ERO1B: variants seen among roughly 807,000 people sequenced by gnomAD.
ERO1B encodes the protein ERO1-like protein beta.
A neutral mutation model predicts 75.3 loss-of-function variants in ERO1B; 49 were observed. The ratio of observed to expected loss-of-function variants is 0.65; its 90% CI spans 0.52 to 0.83. The LOEUF is 0.83. ERO1B is among the 40% of genes least tolerant of loss of function. ERO1B has a pLI of 0.00. For synonymous variants in ERO1B, 191 were observed against 192.9 expected, an observed-to-expected ratio of 0.99 and a Z score of 0.08; for missense variants, 512 against 560.1, an observed-to-expected ratio of 0.91 and a Z score of 0.87.
chr1:236,271,598 T>C (rs1451270361), intron 1 of ERO1B, among the ~76,000 whole-genome samples: 3 of 151,968 alleles, frequency 2.0e-5, no homozygotes, highest in Non-Finnish European at 2.9e-5. Context: ...AGCCCCTAAA[T>C]AGGAAAAAAA....
At chr1:236,274,744 GA>G (rs35953226) in intron 1 of ERO1B, among the ~76,000 whole-genome samples, 10 of 136,324 alleles carry the variant, frequency 7.3e-5, no homozygotes, top group African/African-American at 1.5e-4. Flanking sequence ...AAAATTAGAA[GA>G]AAAAAAAAAG....
At chr1:236,245,578 ATAT>A (rs1347965325) in intron 5 of ERO1B, among the ~76,000 whole-genome samples, 2 of 2,968 alleles carry the variant, frequency 6.7e-4, no homozygotes, top group African/African-American at 1.2e-3. Flanking sequence ...ATATATATAT[ATAT>A]TTTTTTTTTT....
rs1664002033 is a variant in ERO1B at position 236,216,954 on chromosome 1, C to T, written c.*1562G>A. On this transcript the variant is annotated 3_prime_UTR_variant, in exon 16 of 16. Coordinates refer to ENST00000354619, the MANE Select transcript of ERO1B (RefSeq NM_019891.4). ...TAAACAACTTAACAAAAAATACTACCACCATCAACAACAAAACCCCAAGTT... is the reference window on the plus strand; with the variant it reads ...TAAACAACTTAACAAAAAATACTACTACCATCAACAACAAAACCCCAAGTT... 6.6e-6 allele frequency: 1 copy of T among 151,716 alleles called. No individual in the cohort carries two copies. The highest frequency in any genetic ancestry group is 6.6e-5 in the Admixed American group (1 of 15,224). The allele number at this position is 151,716 out of a possible 1,614,324, so 9.4% of individuals were successfully genotyped here.
At chr1:236,243,386 T>C (rs1390201062) in intron 6 of ERO1B, 36 bp downstream of exon 6, 1 of 1,352,266 alleles carries the variant, frequency 7.4e-7, no homozygotes, top group Admixed American at 2.3e-5. Context: ...AGGGTTAAAG[T>C]TAAAATAATT....
chr1:236,258,438 T>C (rs954509734), intron 2 of ERO1B, among the ~76,000 whole-genome samples: 1 of 152,152 alleles, frequency 6.6e-6, no homozygotes, highest in Non-Finnish European at 1.5e-5. Context: ...AAAAATACTA[T>C]ATCCAGTGAT....
rs1663957575 is a variant in ERO1B at position 236,215,854 on chromosome 1, A to G, written c.*2662T>C. 1 of 152,224 alleles carries G rather than the reference A, an allele frequency of 6.6e-6. No homozygotes were observed. Among genetic ancestry groups the G allele is most frequent in the South Asian group, 2.1e-4 (1 of 4,832 alleles). 9.4% of individuals were successfully genotyped at this position (152,224 alleles called of 1,614,324 possible). A position where few individuals can be genotyped will look rare whatever the true frequency, so the allele number is the denominator to read the frequency against. ...AGGCAATGCTGATGAAGATCAAAATAGCTGTCCTTTCTTATATACAGTGGC... is the reference window on the plus strand; with the variant it reads ...AGGCAATGCTGATGAAGATCAAAATGGCTGTCCTTTCTTATATACAGTGGC... On this transcript the variant is annotated 3_prime_UTR_variant, in exon 16 of 16. Coordinates refer to ENST00000354619, the MANE Select transcript of ERO1B (RefSeq NM_019891.4).
chr1:236,281,460 C>T, intron 1 of ERO1B: 1 of 387,624 alleles, frequency 2.6e-6, no homozygotes, highest in Non-Finnish European at 4.6e-6. Context: ...CTTTTGACTG[C>T]CATTACCCGG....
rs760025536 is a variant in ERO1B, at chr1:236,243,463, G to C, written c.464C>G (p.Ala155Gly). The change falls in exon 6 of 16, where the codon GCA (alanine) becomes GGA (glycine). Residue 155 changes from alanine to glycine, a missense_variant. Transcript: ENST00000354619. ...NQSKEAFIDW[A>G]RYDDSRDHFC... ...GTGATCCCGTGAATCATCATATCTT[G>C]CCCAGTCAATGAAAGCTTCTTTGCT... The C allele has an allele frequency of 6.2e-6, 10 of 1,604,530 alleles. No homozygotes were observed. The highest frequency in any genetic ancestry group is 8.5e-6 in the Non-Finnish European group (10 of 1,175,100).
chr1:236,250,979 G>C (rs1665012163), intron 4 of ERO1B, among the ~76,000 whole-genome samples: 1 of 152,000 alleles, frequency 6.6e-6, no homozygotes, highest in Admixed American at 6.6e-5. Context: ...AAAAATGCTA[G>C]TGCATTACTG....
At position 236,216,434 on chromosome 1, in the gene ERO1B, C is replaced by T. The variant is rs1011160089; in HGVS notation, c.*2082G>A. ...ACACATACACAAAAATGTAGGCTGC[C>T]CCTACAATCTAATTTATGATAAAAT... is the stretch of plus-strand genomic sequence containing the variant. On this transcript the variant is annotated 3_prime_UTR_variant, in exon 16 of 16. Transcript: ENST00000354619. 2 of 151,996 alleles carry T rather than the reference C, an allele frequency of 1.3e-5. No homozygotes were observed. Among genetic ancestry groups the T allele is most frequent in the Non-Finnish European group, 2.9e-5 (2 of 67,960 alleles). The allele number at this position is 151,996 out of a possible 1,614,324, so 9.4% of individuals were successfully genotyped here.
chr1:236,236,486 G>T (rs996119196), intron 6 of ERO1B, 88 bp from the exon 7 acceptor site: 2 of 1,390,438 alleles, frequency 1.4e-6, no homozygotes, highest in Non-Finnish European at 1.9e-6. Context: ...CTACTCAAAG[G>T]TAAGAAAAAT....
chr1:236,264,843 C>T (rs569020093), intron 2 of ERO1B, among the ~76,000 whole-genome samples: 2 of 151,258 alleles, frequency 1.3e-5, no homozygotes, highest in East Asian at 3.9e-4. Flanking sequence ...GAGACTGTCT[C>T]CAAAAAAAAA....
chr1:236,249,419 C>G (rs1664962653), intron 5 of ERO1B, among the ~76,000 whole-genome samples: 1 of 152,230 alleles, frequency 6.6e-6, no homozygotes, highest in Non-Finnish European at 1.5e-5. Flanking sequence ...TTATACTACA[C>G]AATTTGAGGC....
chr1:236,249,210 G>A (rs912119424), intron 5 of ERO1B, among the ~76,000 whole-genome samples: 1 of 152,036 alleles, frequency 6.6e-6, no homozygotes, highest in Non-Finnish European at 1.5e-5. Flanking sequence ...ATTTTTAGTA[G>A]AGATGGGGTT....
Position 236,216,743 on chromosome 1 carries a change from A to G in ERO1B, c.*1773T>C, listed in dbSNP as rs896657021. ...AAGTTCTTTACATTTAGAGTGATAA[A>G]CAAAGTGCAGATTTTTCACATCTTA... On this transcript the variant is annotated 3_prime_UTR_variant, in exon 16 of 16. Transcript: ENST00000354619. 6.6e-6 allele frequency: 1 copy of G among 152,020 alleles called. No homozygotes were observed. The highest frequency in any genetic ancestry group is 1.5e-5 in the Non-Finnish European group (1 of 67,944). 9.4% of individuals were successfully genotyped at this position (152,020 alleles called of 1,614,324 possible).
At chr1:236,220,054 G>C (rs896443792) in intron 15 of ERO1B, 14 of 127,964 alleles carry the variant, frequency 1.1e-4, no homozygotes, top group African/African-American at 4.1e-4. Flanking sequence ...AAAAAAAAAA[G>C]CAGGGGACAT....
chr1:236,274,330 A>G (rs1665664126), intron 1 of ERO1B, among the ~76,000 whole-genome samples: 1 of 152,208 alleles, frequency 6.6e-6, no homozygotes, highest in East Asian at 1.9e-4. Context: ...AATTTTTGCC[A>G]ATCTAGTTAG....
In ERO1B at chr1:236,281,917, G is replaced by A; in HGVS notation, c.-134C>T. 1 of 484,066 alleles carries A rather than the reference G, an allele frequency of 2.1e-6. No individual in the cohort carries two copies. The highest frequency in any genetic ancestry group is 3.5e-5 in the East Asian group (1 of 28,290). The allele number at this position is 484,066 out of a possible 1,614,324, so 30.0% of individuals were successfully genotyped here. On this transcript the variant is annotated 5_prime_UTR_variant, in exon 1 of 16. Transcript: ENST00000354619. ...GGGTCAGAGGTCTGCACTCCAGTCC[G>A]GAGGCAGGCGACTCTTTCCCCAACA...
At position 236,247,853 on chromosome 1, in the gene ERO1B, T is replaced by G. The variant is rs145895125; in HGVS notation, c.431+2032A>C. Among the ~76,000 whole-genome samples, 926 of 152,248 alleles carry G rather than the reference T, an allele frequency of 6.1e-3. 8 individuals carry two copies. The highest frequency in any genetic ancestry group is 0.021 in the African/African-American group (889 of 41,526). The stretch of plus-strand genomic sequence containing the variant: ...AACTAACATTTATATATACCTGGAA[T>G]GCTCATCCCCCAGCCAACCATAGTA... On this transcript the variant is annotated intron_variant, in intron 5 of 15. Coordinates refer to ENST00000354619, the MANE Select transcript of ERO1B (RefSeq NM_019891.4).
Sources: allele counts gnomAD v4.1 joint callset (sites outside exome capture counted in the v4.1 genomes callset), GRCh38; gene constraint gnomAD v4.1.1; transcripts MANE v1.5; gene names NCBI Gene and HGNC (gene_info 2026-07-23, HGNC 2026-07-21).